LRCH2: variants seen among roughly 807,000 people sequenced by gnomAD.
LRCH2 encodes leucine-rich repeat and calponin homology domain-containing protein 2.
A neutral mutation model predicts 68.9 loss-of-function variants in LRCH2; 38 were observed. The ratio of observed to expected loss-of-function variants is 0.55; its 90% CI spans 0.43 to 0.72. LRCH2 has a LOEUF of 0.72. Among genes scored for constraint, LRCH2 ranks in the 30% least tolerant of loss-of-function variants. The pLI is 0.00. For missense variants in LRCH2, 528 were observed against 572.9 expected (o/e 0.92, Z 0.80); for synonymous variants, 191 against 208.1 (o/e 0.92, Z 0.71).
rs782075982 is a variant in LRCH2, at chrX:115,192,247, A to G, written c.350-3877T>C. ...CCGCGGCCTCAACAGTTCCAACAACAGTCATGGCCGGAGCCACCGCTACGG... is the reference window on the plus strand; with the variant it reads ...CCGCGGCCTCAACAGTTCCAACAACGGTCATGGCCGGAGCCACCGCTACGG... On this transcript the variant is annotated intron_variant, in intron 1 of 20. Transcript: ENST00000317135. 3.3e-5 allele frequency: 38 copies of G among 1,162,660 alleles called. No individual in the cohort carries two copies. The African/African-American group carries it at 6.4e-4, about 20-fold the overall frequency.
chrX:115,213,166 A>C lies in LRCH2; in HGVS notation c.349+20527T>G, dbSNP rs782123065. Among the ~76,000 whole-genome samples the C allele has an allele frequency of 3.3e-3, 370 of 111,467 alleles. 2 individuals carry two copies. Among genetic ancestry groups the C allele is most frequent in the African/African-American group, 0.011 (341 of 30,708 alleles). On this transcript the variant is annotated intron_variant, in intron 1 of 20. Coordinates refer to ENST00000317135, the MANE Select transcript of LRCH2 (RefSeq NM_020871.4). ...GCTGTTCACTGTACCAACATCATTG[A>C]AAATAAAGTTCAGAACACAGGGCAG...
intron 1 of LRCH2, among the ~76,000 whole-genome samples, chrX:115,232,975 C>CA (rs1443718010): frequency 9.0e-6 from 1 of 111,627 alleles, no homozygotes; most frequent in Non-Finnish European, 1.9e-5. Context: ...AATTTTTTCT[C>CA]AAAAATACCC....
intron 1 of LRCH2, among the ~76,000 whole-genome samples, chrX:115,202,943 A>G (rs955242999): frequency 4.5e-5 from 5 of 112,063 alleles, no homozygotes; most frequent in Non-Finnish European, 9.4e-5. Context: ...AATGGTTGCC[A>G]TAATTTGGGA....
intron 8 of LRCH2, 38 bp downstream of exon 8, chrX:115,165,803 G>T: frequency 9.7e-7 from 1 of 1,033,339 alleles, no homozygotes; most frequent in Non-Finnish European, 1.3e-6. Context: ...TGTGGGCTAT[G>T]TACATGAAAC....
intron 14 of LRCH2, among the ~76,000 whole-genome samples, chrX:115,140,781 C>A (rs1196636412): frequency 9.0e-6 from 1 of 111,636 alleles, no homozygotes. Context: ...AGAAGAGTGG[C>A]AAGGACTTTG....
Position 115,128,200 on chromosome X carries a change from G to A in LRCH2, c.1741-1307C>T, listed in dbSNP as rs151321550. On this transcript the variant is annotated intron_variant, in intron 15 of 20. Coordinates refer to ENST00000317135, the MANE Select transcript of LRCH2 (RefSeq NM_020871.4). ...TCTTGGCTGCTGATTAGATATTGAG[G>A]CAGGCAAGAGAAAAGAGGGTATGAG... Among the ~76,000 whole-genome samples the A allele has an allele frequency of 5.0e-4, 56 of 111,799 alleles. No individual in the cohort carries two copies. The East Asian group carries it at 0.015, about 30-fold the overall frequency.
chrX:115,220,993 G>A (rs1430657209), intron 1 of LRCH2, among the ~76,000 whole-genome samples: 2 of 106,940 alleles, frequency 1.9e-5, no homozygotes, highest in Admixed American at 2.0e-4. Flanking sequence ...CGAGACCATG[G>A]TGAAACCCTG....
chrX:115,116,510 A>C (rs2072084159), intron 20 of LRCH2, among the ~76,000 whole-genome samples: 1 of 111,096 alleles, frequency 9.0e-6, no homozygotes, highest in Non-Finnish European at 1.9e-5. Flanking sequence ...GCAAATCCAT[A>C]GAAAGAACAG....
chrX:115,146,902 T>TACACACACACACACAC (rs1238704414), intron 14 of LRCH2, among the ~76,000 whole-genome samples: 3 of 53,895 alleles, frequency 5.6e-5, no homozygotes, highest in African/African-American at 1.6e-4. Context: ...ATTTCTTACA[T>TACACACACACACACAC]ACATACACAC....
chrX:115,144,333 G>A (rs1213510473), intron 14 of LRCH2, among the ~76,000 whole-genome samples: 1 of 111,067 alleles, frequency 9.0e-6, no homozygotes. Context: ...GGGTATAGAA[G>A]AAATATATCT....
chrX:115,126,988 A>G, intron 15 of LRCH2, 95 bp from the exon 16 acceptor site: 1 of 520,748 alleles, frequency 1.9e-6, no homozygotes, highest in Non-Finnish European at 2.9e-6. Flanking sequence ...CTGACCAACT[A>G]CTAAAGGAAG....
intron 12 of LRCH2, among the ~76,000 whole-genome samples, chrX:115,150,855 A>G (rs1296577896): frequency 9.0e-6 from 1 of 110,993 alleles, no homozygotes; most frequent in African/African-American, 3.3e-5. Context: ...GCTTTCCTAC[A>G]TATCAACTAT....
intron 2 of LRCH2, among the ~76,000 whole-genome samples, chrX:115,185,934 A>C (rs1399758448): frequency 8.9e-6 from 1 of 112,114 alleles, no homozygotes; most frequent in Non-Finnish European, 1.9e-5. Flanking sequence ...AAGAGTTGAA[A>C]AATTATTTTA....
intron 14 of LRCH2, among the ~76,000 whole-genome samples, chrX:115,131,298 C>A (rs781841407): frequency 9.8e-6 from 1 of 101,986 alleles, no homozygotes; most frequent in South Asian, 4.8e-4. Context: ...ATGTTCCCCA[C>A]CCTGTGTCCA....
intron 20 of LRCH2, 80 bp from the exon 21 acceptor site, chrX:115,113,415 A>G: frequency 1.3e-6 from 1 of 780,388 alleles, no homozygotes; most frequent in Non-Finnish European, 1.8e-6. Context: ...TTTTAAAAAC[A>G]TGATTTCTAT....
chrX:115,130,038 C>A (rs782299734), intron 15 of LRCH2, 117 bp downstream of exon 15: 6 of 360,569 alleles, frequency 1.7e-5, no homozygotes, highest in East Asian at 5.3e-5. Context: ...TGAAAAAAAA[C>A]CATGCATTAA....
chrX:115,178,836 G>C (rs1355418101), intron 5 of LRCH2, among the ~76,000 whole-genome samples: 1 of 111,861 alleles, frequency 8.9e-6, no homozygotes, highest in Non-Finnish European at 1.9e-5. Context: ...AATAATTTTG[G>C]GCAATCTAAG....
At chrX:115,210,334 C>T (rs968532687) in intron 1 of LRCH2, among the ~76,000 whole-genome samples, 19 of 108,980 alleles carry the variant, frequency 1.7e-4, no homozygotes, top group Admixed American at 4.8e-4. Flanking sequence ...CCACTCCAGG[C>T]ATGACTATAA....
At chrX:115,224,603 G>C (rs781990935) in intron 1 of LRCH2, among the ~76,000 whole-genome samples, 2 of 108,158 alleles carry the variant, frequency 1.8e-5, no homozygotes, top group African/African-American at 6.8e-5. Flanking sequence ...AGGATCACTT[G>C]AGCCTGGGAG....
Sources: allele counts gnomAD v4.1 joint callset (sites outside exome capture counted in the v4.1 genomes callset), GRCh38; gene constraint gnomAD v4.1.1; transcripts MANE v1.5; gene names NCBI Gene and HGNC (gene_info 2026-07-23, HGNC 2026-07-21).